NAPB: variants seen among roughly 807,000 people sequenced by gnomAD.
NAPB encodes the protein NSF attachment protein beta, also known as beta-soluble NSF attachment protein.
In NAPB, 26 loss-of-function variants were observed where a neutral mutation model predicts 44.7. That is an observed-to-expected ratio of 0.58 (90% CI 0.43 to 0.81). NAPB has a LOEUF of 0.81. Ranked by LOEUF, NAPB falls within the 30% of genes least tolerant of loss-of-function variation. The probability of loss-of-function intolerance (pLI) is 0.00; values close to 1 mark genes in which losing one functional copy is unlikely to be tolerated. For missense variants in NAPB, 315 were observed against 356.4 expected (o/e 0.88, Z 0.94); for synonymous variants, 120 against 116.8 (o/e 1.03, Z -0.18).
At chr20:23,393,594 A>T (rs1984132398) in intron 5 of NAPB, among the ~76,000 whole-genome samples, 1 of 152,128 alleles carries the variant, frequency 6.6e-6, no homozygotes, top group Admixed American at 6.5e-5. Flanking sequence ...CTCTGCTGAC[A>T]CGTGTGCCCA....
At chr20:23,391,295 G>A (rs1983940035) in intron 5 of NAPB, among the ~76,000 whole-genome samples, 1 of 152,136 alleles carries the variant, frequency 6.6e-6, no homozygotes, top group South Asian at 2.1e-4. Flanking sequence ...TGGGTGACAA[G>A]AGTGAAACTC....
intron 1 of NAPB, among the ~76,000 whole-genome samples, chr20:23,415,747 G>A (rs533546381): frequency 2.6e-5 from 4 of 152,172 alleles, no homozygotes; most frequent in South Asian, 2.1e-4. Context: ...AGAGCAGATC[G>A]CTTGAGTCCC....
chr20:23,381,497 A>G (rs1002745153), intron 7 of NAPB, among the ~76,000 whole-genome samples, 180 bp from the exon 8 acceptor site: 6 of 152,252 alleles, frequency 3.9e-5, no homozygotes, highest in Non-Finnish European at 8.8e-5. Flanking sequence ...CATTAAATAC[A>G]TGAAGTCTTA....
rs372710523 is a variant in NAPB at position 23,382,565 on chromosome 20, C to T, written c.562-1248G>A. ...AAAGCAAGTACAATAACACCTGAAG[C>T]TAATGGAAAAATGGAAAGCATCCAC... is the stretch of plus-strand genomic sequence containing the variant. On this transcript the variant is annotated intron_variant, in intron 7 of 10. Transcript: ENST00000377026. 4.0e-5 allele frequency among the ~76,000 whole-genome samples: 6 copies of T among 150,590 alleles called. 1 individual carries two copies. The highest frequency in any genetic ancestry group is 3.3e-4 in the Admixed American group (5 of 15,160).
intron 2 of NAPB, among the ~76,000 whole-genome samples, chr20:23,398,239 T>C (rs558513102): frequency 6.6e-6 from 1 of 152,322 alleles, no homozygotes; most frequent in South Asian, 2.1e-4. Flanking sequence ...GGAAAGAATC[T>C]GATCTACCAG....
At chr20:23,419,757 A>G (rs927290786) in intron 1 of NAPB, among the ~76,000 whole-genome samples, 2 of 152,260 alleles carry the variant, frequency 1.3e-5, no homozygotes, top group African/African-American at 4.8e-5. Context: ...CACATGAGAA[A>G]TTTAGAAACC....
rs1982438766 is a variant in NAPB at position 23,375,497 on chromosome 20, G to A, written c.*1879C>T. The A allele has an allele frequency of 7.1e-6, 1 of 140,682 alleles. No homozygotes were observed. The highest frequency in any genetic ancestry group is 1.6e-5 in the Non-Finnish European group (1 of 61,552). 8.7% of individuals were successfully genotyped at this position (140,682 alleles called of 1,614,324 possible). A position where few individuals can be genotyped will look rare whatever the true frequency, so the allele number is the denominator to read the frequency against. On this transcript the variant is annotated 3_prime_UTR_variant, in exon 11 of 11. Transcript: ENST00000377026. The stretch of plus-strand genomic sequence containing the variant: ...TTCACAAAAGTGCATTTGGCTGGTT[G>A]TAGGATATATTATTAGGTGGGGAAA...
At chr20:23,420,334 G>A (rs1986292610) in intron 1 of NAPB, among the ~76,000 whole-genome samples, 1 of 152,214 alleles carries the variant, frequency 6.6e-6, no homozygotes, top group South Asian at 2.1e-4. Context: ...GGAGGCTCTG[G>A]CTATCAATCA....
At chr20:23,379,355 A>T in intron 10 of NAPB, 90 bp downstream of exon 10, 1 of 1,005,474 alleles carries the variant, frequency 9.9e-7, no homozygotes, top group South Asian at 1.5e-5. Flanking sequence ...TGTTCAAATA[A>T]ATGTTTAGAA....
At position 23,421,275 on chromosome 20, in the gene NAPB, C is replaced by T. The variant is rs756656899; in HGVS notation, c.98+30G>A. The T allele has an allele frequency of 3.3e-6, 5 of 1,517,840 alleles. No homozygotes were observed. The South Asian group carries it at 4.8e-5, about 15-fold the overall frequency. 94.0% of individuals were successfully genotyped at this position (1,517,840 alleles called of 1,614,324 possible). On this transcript the variant is annotated intron_variant, in intron 1 of 10. Transcript: ENST00000377026. ...GGGGGCCAAGTACGGAGACCCCCCC[C>T]CCCCAGGGCACGCACGGTCTGGCGC...
chr20:23,402,406 C>T (rs1431863279), intron 2 of NAPB, among the ~76,000 whole-genome samples: 3 of 152,152 alleles, frequency 2.0e-5, no homozygotes, highest in Admixed American at 6.5e-5. Flanking sequence ...AATAATAATC[C>T]TGTGAATTTT....
At chr20:23,414,114 G>A (rs1242952311) in intron 1 of NAPB, among the ~76,000 whole-genome samples, 1 of 152,178 alleles carries the variant, frequency 6.6e-6, no homozygotes, top group Non-Finnish European at 1.5e-5. Flanking sequence ...TTGAGCCCAG[G>A]AGTTTGAAAC....
At chr20:23,379,577 A>G (rs983408677) in intron 9 of NAPB, 82 bp from the exon 10 acceptor site, 8 of 1,069,828 alleles carry the variant, frequency 7.5e-6, no homozygotes, top group East Asian at 2.5e-5. Flanking sequence ...TATAATACCA[A>G]TGTTGCCAAA....
chr20:23,387,570 A>G (rs1983619997), intron 7 of NAPB, among the ~76,000 whole-genome samples: 1 of 152,216 alleles, frequency 6.6e-6, no homozygotes, highest in Non-Finnish European at 1.5e-5. Flanking sequence ...GCAAAATTCA[A>G]CTGTATTTCT....
chr20:23,411,042 G>C (rs1311864139), intron 1 of NAPB, among the ~76,000 whole-genome samples: 1 of 152,054 alleles, frequency 6.6e-6, no homozygotes, highest in African/African-American at 2.4e-5. Flanking sequence ...ACAGCCAAGA[G>C]AACAAAAATG....
At chr20:23,418,451 A>T (rs1303526992) in intron 1 of NAPB, among the ~76,000 whole-genome samples, 1 of 152,224 alleles carries the variant, frequency 6.6e-6, no homozygotes, top group East Asian at 1.9e-4. Context: ...TGTCCTACTG[A>T]CACAGGAACA....
intron 1 of NAPB, among the ~76,000 whole-genome samples, chr20:23,420,714 A>G (rs1314569273): frequency 6.6e-6 from 1 of 152,068 alleles, no homozygotes; most frequent in Non-Finnish European, 1.5e-5. Flanking sequence ...GGCCTCAGGG[A>G]GCCGCTGACC....
chr20:23,391,723 C>A (rs1229578375), intron 5 of NAPB, among the ~76,000 whole-genome samples: 1 of 152,160 alleles, frequency 6.6e-6, no homozygotes, highest in African/African-American at 2.4e-5. Flanking sequence ...TATTTATGAA[C>A]AATGAAATTT....
At chr20:23,417,703 AG>A (rs1568625350) in intron 1 of NAPB, among the ~76,000 whole-genome samples, 1 of 152,164 alleles carries the variant, frequency 6.6e-6, no homozygotes. Context: ...CAACTACAAA[AG>A]CACATTACTG....
Sources: gnomAD v4.1 joint callset for allele counts (sites outside exome capture counted in the v4.1 genomes callset) on GRCh38, gnomAD v4.1.1 for gene constraint, MANE v1.5 for transcripts, NCBI Gene and HGNC (gene_info 2026-07-23, HGNC 2026-07-21) for gene names.